The following MYRIP variants were observed in gnomAD, a reference collection of about 807,000 sequenced individuals.
The protein encoded by MYRIP is rab effector MyRIP.
MYRIP carries 49 observed loss-of-function variants against 98.0 expected under a neutral mutation model. The observed-to-expected ratio is 0.50, with a 90% confidence interval of 0.40 to 0.63. MYRIP has a LOEUF of 0.63. Among genes scored for constraint, MYRIP ranks in the 30% least tolerant of loss-of-function variants. The pLI, the probability that MYRIP is intolerant of heterozygous loss-of-function variation, is 0.00. For synonymous variants in MYRIP, 404 were observed against 409.5 expected (o/e 0.99, Z 0.16); for missense variants, 1,004 against 1,058.2 (o/e 0.95, Z 0.71).
chr3:40,036,302 C>CAAAA lies in MYRIP; in HGVS notation c.111-7729_111-7726dup, dbSNP rs71091786. 7.6e-4 allele frequency among the ~76,000 whole-genome samples: 49 copies of CAAAA among 64,254 alleles called. 1 individual carries two copies. The highest frequency in any genetic ancestry group is 1.6e-3 in the East Asian group (4 of 2,488). The allele number at this position is 64,254 out of a possible 152,430, so 42.2% of individuals were successfully genotyped here. On this transcript the variant is annotated intron_variant, in intron 2 of 16. Coordinates refer to ENST00000302541, the MANE Select transcript of MYRIP (RefSeq NM_015460.4). ...GACTTCCCATTGCAACAACTGATAC[C>CAAAA]AAAAAAAAAAAAAAAAAAAAAACTT... is the stretch of plus-strand genomic sequence containing the variant.
chr3:39,869,879 C>T (rs934412529), intron 1 of MYRIP, among the ~76,000 whole-genome samples: 13 of 152,084 alleles, frequency 8.5e-5, no homozygotes, highest in African/African-American at 3.1e-4. Context: ...CTGCCATTAG[C>T]AAACAGTTGC....
intron 3 of MYRIP, among the ~76,000 whole-genome samples, chr3:40,056,058 T>C (rs1208684068): frequency 6.6e-6 from 1 of 152,170 alleles, no homozygotes; most frequent in Non-Finnish European, 1.5e-5. Flanking sequence ...ACTAAGGAAG[T>C]GGTAAAAGCT....
Position 40,162,735 on chromosome 3 carries a change from A to G in MYRIP, c.475A>G (p.Ser159Gly). ...SGACFDILGGSLFESNLENEG... is the reference protein window; with the variant it reads ...SGACFDILGGGLFESNLENEG... The stretch of plus-strand genomic sequence containing the variant: ...TCCCACCCCTACCCTGCCAGGAGGA[A>G]GCCTTTTTGAGTCAAACCTGGAGAA... The change falls in exon 5 of 17, where the codon AGC becomes GGC. Residue 159 changes from serine (S) to glycine (G), a missense_variant. By Grantham distance (56) the Ser-to-Gly change is moderately conservative. This residue lies in a region of MYRIP where 880 missense variants were observed against 907.7 expected (regional missense o/e 0.97). Transcript: ENST00000302541. The G allele has an allele frequency of 6.2e-7, 1 of 1,614,040 alleles. No homozygotes were observed. The highest frequency in any genetic ancestry group is 8.5e-7 in the Non-Finnish European group (1 of 1,179,898).
chr3:39,944,277 T>G (rs969645191), intron 2 of MYRIP, among the ~76,000 whole-genome samples: 3 of 152,150 alleles, frequency 2.0e-5, no homozygotes, highest in African/African-American at 7.2e-5. Flanking sequence ...TTTGAGGTTA[T>G]AATTGTAACA....
At chr3:39,962,919 T>G (rs1428960512) in intron 2 of MYRIP, among the ~76,000 whole-genome samples, 2 of 152,126 alleles carry the variant, frequency 1.3e-5, no homozygotes, top group African/African-American at 4.8e-5. Context: ...GATGATTGAT[T>G]TTTTCAATTT....
At chr3:40,054,774 C>T (rs754780969) in intron 3 of MYRIP, among the ~76,000 whole-genome samples, 4 of 152,162 alleles carry the variant, frequency 2.6e-5, no homozygotes, top group Admixed American at 6.6e-5. Context: ...CTCTCTCTGG[C>T]ACTTTAGCTA....
At chr3:40,184,542 A>C (rs1021681513) in intron 9 of MYRIP, among the ~76,000 whole-genome samples, 1 of 152,142 alleles carries the variant, frequency 6.6e-6, no homozygotes, top group African/African-American at 2.4e-5. Context: ...AAACAGCATG[A>C]CTCCAATTTG....
At chr3:39,912,416 A>G (rs4676538) in intron 2 of MYRIP, among the ~76,000 whole-genome samples, 17,077 of 152,242 alleles carry the variant, frequency 0.11, 1,192 homozygotes, top group Admixed American at 0.17. Context: ...GTACCTAATC[A>G]ATTATGGTCA....
At chr3:39,856,448 G>A (rs1942298002) in intron 1 of MYRIP, among the ~76,000 whole-genome samples, 2 of 152,140 alleles carry the variant, frequency 1.3e-5, no homozygotes, top group Non-Finnish European at 2.9e-5. Context: ...GCATAGCCCA[G>A]CCTGCAGCCC....
chr3:39,984,040 G>T (rs912123078), intron 2 of MYRIP, among the ~76,000 whole-genome samples: 11 of 152,160 alleles, frequency 7.2e-5, no homozygotes, highest in Non-Finnish European at 2.9e-5. Context: ...TAGTATATTG[G>T]TGCAGCAGAT....
chr3:40,060,632 C>G (rs1021227535), intron 3 of MYRIP, among the ~76,000 whole-genome samples: 3 of 100,764 alleles, frequency 3.0e-5, no homozygotes, highest in African/African-American at 9.9e-5. Flanking sequence ...GCTCTTGCTA[C>G]CCAGGCTGGA....
intron 2 of MYRIP, among the ~76,000 whole-genome samples, chr3:39,959,075 G>A (rs1316892683): frequency 2.0e-5 from 3 of 152,140 alleles, no homozygotes; most frequent in Non-Finnish European, 2.9e-5. Context: ...TTACACTGTT[G>A]GTGGGACTGT....
intron 3 of MYRIP, among the ~76,000 whole-genome samples, chr3:40,130,843 C>T (rs893209141): frequency 6.6e-6 from 1 of 152,078 alleles, no homozygotes; most frequent in African/African-American, 2.4e-5. Context: ...TCCCTCCAAA[C>T]CTGATCCTCT....
chr3:40,099,107 T>G (rs1296693076), intron 3 of MYRIP, among the ~76,000 whole-genome samples: 1 of 152,168 alleles, frequency 6.6e-6, no homozygotes, highest in African/African-American at 2.4e-5. Context: ...CCTGTAGAAC[T>G]TTCTGGTGAC....
intron 3 of MYRIP, among the ~76,000 whole-genome samples, chr3:40,070,499 A>T (rs1948201570): frequency 6.6e-6 from 1 of 152,228 alleles, no homozygotes; most frequent in Non-Finnish European, 1.5e-5. Context: ...TGAGATTACA[A>T]ATCATAGCCT....
At chr3:40,074,966 A>C (rs1157592963) in intron 3 of MYRIP, among the ~76,000 whole-genome samples, 1 of 152,194 alleles carries the variant, frequency 6.6e-6, no homozygotes, top group African/African-American at 2.4e-5. Context: ...TATAAAAGTT[A>C]ATACAAAACA....
chr3:39,980,551 CAG>C lies in MYRIP; in HGVS notation c.111-63496_111-63495del, dbSNP rs778942069. Among the ~76,000 whole-genome samples the C allele has an allele frequency of 5.6e-4, 86 of 152,328 alleles. 1 individual carries two copies. Among genetic ancestry groups the C allele is most frequent in the Non-Finnish European group, 1.1e-3 (73 of 68,034 alleles). ...TCCTCCAGTGGTCTCCTGTATCACT[CAG>C]AGTCAGACCCAAATGCCTGAAAATG... On this transcript the variant is annotated intron_variant, in intron 2 of 16. Transcript: ENST00000302541.
intron 5 of MYRIP, among the ~76,000 whole-genome samples, chr3:40,164,619 T>A (rs565677966): frequency 6.6e-6 from 1 of 152,230 alleles, no homozygotes; most frequent in Non-Finnish European, 1.5e-5. Context: ...CTGGGTACTA[T>A]AGCCTAGCCA....
chr3:40,059,105 C>T (rs934322322), intron 3 of MYRIP, among the ~76,000 whole-genome samples: 2 of 152,172 alleles, frequency 1.3e-5, no homozygotes, highest in Non-Finnish European at 2.9e-5. Context: ...CTGCAAAGGA[C>T]ATGAACTCAT....
Sources: allele counts gnomAD v4.1 joint callset (sites outside exome capture counted in the v4.1 genomes callset), GRCh38; gene constraint gnomAD v4.1.1; regional missense constraint gnomAD v4.1.1; transcripts MANE v1.5; gene names NCBI Gene and HGNC (gene_info 2026-07-23, HGNC 2026-07-21).